IRAG1: variants seen among roughly 807,000 people sequenced by gnomAD.
IRAG1 encodes the protein inositol 1,4,5-triphosphate receptor associated 1, also known as IP3R-associated cGMP kinase substrate.
IRAG1 carries 62 observed loss-of-function variants against 106.2 expected under a neutral mutation model. The observed-to-expected ratio is 0.58, with a 90% CI of 0.48 to 0.72. IRAG1 has a LOEUF of 0.72. IRAG1 is among the 30% of genes least tolerant of loss of function. IRAG1 has a pLI of 0.00. For missense variants in IRAG1, 1,064 were observed against 1,140.7 expected (o/e 0.93, Z 0.97); for synonymous variants, 462 against 443.9 (o/e 1.04, Z -0.51).
intron 1 of IRAG1, among the ~76,000 whole-genome samples, chr11:10,662,505 C>T (rs1446154938): frequency 3.3e-5 from 5 of 152,228 alleles, no homozygotes; most frequent in Non-Finnish European, 5.9e-5. Context: ...GAGTAATTTG[C>T]AAAGTGAATT....
intron 4 of IRAG1, among the ~76,000 whole-genome samples, chr11:10,631,675 C>G (rs1856700296): frequency 6.6e-6 from 1 of 152,252 alleles, no homozygotes; most frequent in Non-Finnish European, 1.5e-5. Flanking sequence ...CTACTCCAAC[C>G]TGGATGTGGG....
intron 1 of IRAG1, among the ~76,000 whole-genome samples, chr11:10,683,797 C>T (rs1024918585): frequency 1.3e-5 from 2 of 151,428 alleles, no homozygotes; most frequent in African/African-American, 2.4e-5. Context: ...TCTGGTAATA[C>T]GATTTTCTTC....
chr11:10,640,521 GTT>G, intron 2 of IRAG1, among the ~76,000 whole-genome samples: 1 of 152,326 alleles, frequency 6.6e-6, no homozygotes, highest in South Asian at 2.1e-4. Context: ...CTGCAAAACT[GTT>G]TTGGTGGGAA....
intron 10 of IRAG1, among the ~76,000 whole-genome samples, chr11:10,620,087 CAATT>C (rs1455815068): frequency 1.3e-5 from 2 of 152,076 alleles, no homozygotes; most frequent in East Asian, 1.9e-4. Context: ...TTTAACCAAT[CAATT>C]GCAAGTCTAG....
chr11:10,689,435 T>C (rs966328942), intron 1 of IRAG1, among the ~76,000 whole-genome samples: 3 of 152,230 alleles, frequency 2.0e-5, no homozygotes, highest in African/African-American at 7.2e-5. Context: ...TACAATGTGA[T>C]GTTGTGTGTT....
chr11:10,629,633 T>G lies in IRAG1; in HGVS notation c.479A>C (p.Asn160Thr), dbSNP rs1591637097. 6.2e-7 allele frequency: 1 copy of G among 1,613,792 alleles called. No individual in the cohort carries two copies. Among genetic ancestry groups the G allele is most frequent in the Non-Finnish European group, 8.5e-7 (1 of 1,179,824 alleles). Residue 160 changes from asparagine to threonine, a missense_variant, in exon 5 of 21, where the codon AAC becomes ACC. Transcript: ENST00000423302. ...CTTGGCTTCTTCCAGCAGCGCCAGG[T>G]TTTTCTTCTTGTCCTCCTCTGAGAT... ...ISISEEDKKK[N>T]LALLEEAKLV...
At chr11:10,593,859 C>A in intron 16 of IRAG1, 1 of 572,320 alleles carries the variant, frequency 1.7e-6, no homozygotes, top group Admixed American at 3.1e-5. Flanking sequence ...AATGACCCCA[C>A]AGTCTCTGGG....
At position 10,673,301 on chromosome 11, in the gene IRAG1, T is replaced by C. The variant is rs111291404; in HGVS notation, c.67+20235A>G. ...TTTGTCTCAAAAAAAAGGAATGAAG[T>C]AATGATATAAGTTTTAAGTTTCATG... On this transcript the variant is annotated intron_variant, in intron 1 of 20. Transcript: ENST00000423302. Among the ~76,000 whole-genome samples, 175 of 152,152 alleles carry C rather than the reference T, an allele frequency of 1.2e-3. 1 individual carries two copies. The highest frequency in any genetic ancestry group is 4.1e-3 in the African/African-American group (170 of 41,500).
chr11:10,651,851 A>C (rs1486907604), intron 2 of IRAG1, among the ~76,000 whole-genome samples, 174 bp downstream of exon 2: 1 of 152,210 alleles, frequency 6.6e-6, no homozygotes, highest in African/African-American at 2.4e-5. Flanking sequence ...ATTCAAACCA[A>C]CTCAGAGTAA....
intron 18 of IRAG1, among the ~76,000 whole-genome samples, chr11:10,588,299 C>A (rs972690088): frequency 9.2e-5 from 14 of 152,148 alleles, no homozygotes; most frequent in East Asian, 3.8e-4. Context: ...TGATTATGTA[C>A]CCTTTAGATT....
chr11:10,621,663 C>T (rs933172957), intron 10 of IRAG1, among the ~76,000 whole-genome samples: 2 of 152,184 alleles, frequency 1.3e-5, no homozygotes, highest in African/African-American at 4.8e-5. Context: ...CCTCAGTTTC[C>T]TCAACTATAA....
intron 1 of IRAG1, among the ~76,000 whole-genome samples, chr11:10,654,850 CCACATTGGACAGACTT>C (rs1198112098): frequency 6.6e-6 from 1 of 152,148 alleles, no homozygotes; most frequent in Non-Finnish European, 1.5e-5. Context: ...TGGGGAGAAG[CCACATTGGACAGACTT>C]CACCTGGCTC....
chr11:10,675,784 A>C (rs1280077211), intron 1 of IRAG1, among the ~76,000 whole-genome samples: 1 of 152,092 alleles, frequency 6.6e-6, no homozygotes, highest in Non-Finnish European at 1.5e-5. Context: ...GCGCCTTCCT[A>C]AGAGTGCTGC....
intron 1 of IRAG1, among the ~76,000 whole-genome samples, chr11:10,680,401 G>GAAGGAAGGAAAGA (rs1861115031): frequency 2.4e-5 from 3 of 123,922 alleles, no homozygotes; most frequent in African/African-American, 3.5e-5. Flanking sequence ...AGGAAGGAAG[G>GAAGGAAGGAAAGA]AAGGAAAGAA....
intron 1 of IRAG1, among the ~76,000 whole-genome samples, chr11:10,689,136 G>C (rs886569676): frequency 3.3e-5 from 5 of 152,260 alleles, no homozygotes; most frequent in Non-Finnish European, 7.4e-5. Flanking sequence ...ACCACAAATA[G>C]AGTTATAAAA....
At chr11:10,636,656 AC>A (rs1316861228) in intron 2 of IRAG1, among the ~76,000 whole-genome samples, 5 of 152,264 alleles carry the variant, frequency 3.3e-5, no homozygotes, top group Admixed American at 2.6e-4. Context: ...AGCAAGGGAT[AC>A]AGGGAAGTAA....
chr11:10,623,989 G>C (rs886738012), intron 9 of IRAG1, 133 bp from the exon 10 acceptor site: 55 of 749,632 alleles, frequency 7.3e-5, no homozygotes, highest in Non-Finnish European at 1.2e-4. Context: ...TGGGTGGGCA[G>C]GCATGGCATG....
In IRAG1 at chr11:10,628,533, C is replaced by T. The variant is rs569819290; in HGVS notation, c.652+218G>A. The stretch of plus-strand genomic sequence containing the variant: ...CTGACCCTGGGGTACACCTGCCTCC[C>T]GACACAAGCCCAAGATGCTAACAGA... On this transcript the variant is annotated intron_variant, in intron 6 of 20. Coordinates refer to ENST00000423302, the MANE Select transcript of IRAG1 (RefSeq NM_130385.4). This position sits in a 1 kb window ranked among gnomAD's most constrained non-coding sequence, Gnocchi z 4.1. 4.6e-5 allele frequency among the ~76,000 whole-genome samples: 7 copies of T among 152,324 alleles called. No individual in the cohort carries two copies. The East Asian group carries it at 9.6e-4, about 21-fold the overall frequency.
Position 10,660,202 on chromosome 11 carries a change from G to C in IRAG1, c.68-8020C>G, listed in dbSNP as rs544250911. 1.6e-4 allele frequency among the ~76,000 whole-genome samples: 25 copies of C among 152,262 alleles called. No homozygotes were observed. The South Asian group carries it at 5.0e-3, about 30-fold the overall frequency. ...CATAAGAGTCTAATGTAATTTTCAA[G>C]AATTCTGTGAACTGGTGGTTAAACA... On this transcript the variant is annotated intron_variant, in intron 1 of 20. Transcript: ENST00000423302.
Sources: allele counts gnomAD v4.1 joint callset (sites outside exome capture counted in the v4.1 genomes callset), GRCh38; gene constraint gnomAD v4.1.1; non-coding constraint Gnocchi (gnomAD v3.1); transcripts MANE v1.5; gene names NCBI Gene and HGNC (gene_info 2026-07-23, HGNC 2026-07-21).